Variants in WNT5A observed in about 807,000 individuals in gnomAD.
The protein encoded by WNT5A is protein Wnt-5a.
Under a neutral mutation model 42.1 loss-of-function variants are expected in WNT5A, and 9 were observed. That is an observed-to-expected ratio of 0.21 (90% CI 0.13 to 0.37). WNT5A has a LOEUF of 0.37. WNT5A is among the 10% of genes least tolerant of loss of function. The pLI is 1.00. For synonymous variants in WNT5A, 210 were observed against 210.0 expected (o/e 1.00, Z 0.00); for missense variants, 426 against 534.0 (o/e 0.80, Z 1.99).
At position 55,469,990 on chromosome 3, in the gene WNT5A, G is replaced by C; in HGVS notation, c.*102C>G. On this transcript the variant is annotated 3_prime_UTR_variant, in exon 5 of 5. Transcript: ENST00000264634. Reference sequence around the variant, plus strand: ...AAAATGGTTCCGGTTGCAATTCTTGGGGAAAAATAAAAAATATTTCTAAAA... The same window carrying C: ...AAAATGGTTCCGGTTGCAATTCTTGCGGAAAAATAAAAAATATTTCTAAAA... The C allele has an allele frequency of 1.4e-6, 2 of 1,445,086 alleles. No individual in the cohort carries two copies. Among genetic ancestry groups the C allele is most frequent in the Non-Finnish European group, 1.9e-6 (2 of 1,049,124 alleles). 89.5% of individuals were successfully genotyped at this position (1,445,086 alleles called of 1,614,324 possible).
At chr3:55,473,532 G>C (rs1373845551) in intron 4 of WNT5A, among the ~76,000 whole-genome samples, 1 of 152,188 alleles carries the variant, frequency 6.6e-6, no homozygotes, top group Non-Finnish European at 1.5e-5. Flanking sequence ...AGGAAAGAGC[G>C]GGAACCAGGA....
chr3:55,484,685 T>TACACACACACAC (rs67013864), intron 1 of WNT5A, among the ~76,000 whole-genome samples: 23 of 137,994 alleles, frequency 1.7e-4, no homozygotes, highest in East Asian at 9.1e-4. Context: ...GGCCCCAGGA[T>TACACACACACAC]ACACACACAC....
chr3:55,479,600 T>A, intron 2 of WNT5A, 36 bp from the exon 3 acceptor site: 1 of 1,537,656 alleles, frequency 6.5e-7, no homozygotes, highest in Non-Finnish European at 8.8e-7. Context: ...AAGATTTACG[T>A]GAAATCTCGA....
At chr3:55,500,737 A>T in the WNT5A span, among the ~76,000 whole-genome samples, 2 of 152,228 alleles carry the variant, frequency 1.3e-5, no homozygotes, top group Non-Finnish European at 2.9e-5. Context: ...TACTATTTAG[A>T]TAGAGGAGAA....
At chr3:55,472,528 G>C (rs949788818) in intron 4 of WNT5A, among the ~76,000 whole-genome samples, 1 of 152,120 alleles carries the variant, frequency 6.6e-6, no homozygotes, top group Non-Finnish European at 1.5e-5. Flanking sequence ...CAGAGAGAAT[G>C]GGGCTGACCC....
At chr3:55,475,047 C>A (rs1465532037) in intron 3 of WNT5A, among the ~76,000 whole-genome samples, 2 of 152,076 alleles carry the variant, frequency 1.3e-5, no homozygotes, top group South Asian at 2.1e-4. Context: ...CCCCAAAACA[C>A]ACAGAAGCAA....
chr3:55,467,084 C>T lies in WNT5A; in HGVS notation c.*3008G>A, dbSNP rs971275357. The T allele has an allele frequency of 5.9e-5, 9 of 152,170 alleles. No homozygotes were observed. Among genetic ancestry groups the T allele is most frequent in the South Asian group, 4.1e-4 (2 of 4,822 alleles). 9.4% of individuals were successfully genotyped at this position (152,170 alleles called of 1,614,324 possible). ...CAACCAGTTTTCATTCTCTGCAGAC[C>T]CGGGCTTTCTTTTTATAAAAACTGC... On this transcript the variant is annotated 3_prime_UTR_variant, in exon 5 of 5. Coordinates refer to ENST00000264634, the MANE Select transcript of WNT5A (RefSeq NM_003392.7).
rs1014332666 is a variant in WNT5A, at chr3:55,466,190, A to T, written c.*3902T>A. The T allele has an allele frequency of 8.5e-5, 13 of 152,360 alleles. No homozygotes were observed. Among genetic ancestry groups the T allele is most frequent in the African/African-American group, 3.1e-4 (13 of 41,586 alleles). 9.4% of individuals were successfully genotyped at this position (152,360 alleles called of 1,614,324 possible). A position where few individuals can be genotyped will look rare whatever the true frequency, so the allele number is the denominator to read the frequency against. On this transcript the variant is annotated 3_prime_UTR_variant, in exon 5 of 5. Coordinates refer to ENST00000264634, the MANE Select transcript of WNT5A (RefSeq NM_003392.7). ...GACTAGAAAATACTTTAAAAAAAATAAATATTTTAAAAGTATAGCTTACAG... is the reference window on the plus strand; with the variant it reads ...GACTAGAAAATACTTTAAAAAAAATTAATATTTTAAAAGTATAGCTTACAG...
At chr3:55,485,664 C>CT (rs2051564463) in intron 1 of WNT5A, among the ~76,000 whole-genome samples, 1 of 151,142 alleles carries the variant, frequency 6.6e-6, no homozygotes, top group African/African-American at 2.4e-5. Flanking sequence ...GCGAAGGTGG[C>CT]TGGGGGGAGG....
At chr3:55,471,814 G>T (rs2051257540) in intron 4 of WNT5A, among the ~76,000 whole-genome samples, 1 of 152,180 alleles carries the variant, frequency 6.6e-6, no homozygotes, top group African/African-American at 2.4e-5. Context: ...TGAGTGTGCT[G>T]GAGAAGACCT....
rs551696835 is a variant in WNT5A at position 55,472,319 on chromosome 3, T to A, written c.685-1769A>T. ...TGGTTGCCAAGCCTCTGATGATTTC[T>A]GGACATGAGAGAAGGCTAAGAAAGT... On this transcript the variant is annotated intron_variant, in intron 4 of 4. Transcript: ENST00000264634. Among the ~76,000 whole-genome samples the A allele has an allele frequency of 7.2e-4, 109 of 152,338 alleles. No individual in the cohort carries two copies. The Middle Eastern group carries it at 0.014, about 19-fold the overall frequency.
At chr3:55,485,317 G>A (rs1338306357) in intron 1 of WNT5A, among the ~76,000 whole-genome samples, 1 of 151,626 alleles carries the variant, frequency 6.6e-6, no homozygotes, top group Non-Finnish European at 1.5e-5. Flanking sequence ...GGATGGCTCC[G>A]AGTTCTGCGC....
In WNT5A at chr3:55,479,234, C is replaced by A. The variant is rs1176999743; in HGVS notation, c.391+80G>T. 8.6e-6 allele frequency: 12 copies of A among 1,391,336 alleles called. No homozygotes were observed. The East Asian group carries it at 2.3e-4, about 27-fold the overall frequency. 86.2% of individuals were successfully genotyped at this position (1,391,336 alleles called of 1,614,324 possible). ...AGGCATCCTCCTTCATGCTTTCTATCAAGCATGAAGTAAATGCTAAGGATT... is the reference window on the plus strand; with the variant it reads ...AGGCATCCTCCTTCATGCTTTCTATAAAGCATGAAGTAAATGCTAAGGATT... On this transcript the variant is annotated intron_variant, in intron 3 of 4. Transcript: ENST00000264634.
At chr3:55,497,167 G>A in the WNT5A span, among the ~76,000 whole-genome samples, 2 of 152,212 alleles carry the variant, frequency 1.3e-5, no homozygotes, top group Non-Finnish European at 2.9e-5. Flanking sequence ...AGTCCCAAAT[G>A]CATGGGTGAG....
upstream of WNT5A, chr3:55,493,874 A>T (rs1022138660): frequency 1.3e-5 from 2 of 152,256 alleles, no homozygotes; most frequent in Admixed American, 6.5e-5. Flanking sequence ...TAAGAGAAAT[A>T]GTTTTCATCC....
intron 1 of WNT5A, 44 bp downstream of exon 1, chr3:55,486,935 TG>T (rs776864177): frequency 5.1e-5 from 68 of 1,330,670 alleles, no homozygotes; most frequent in Non-Finnish European, 6.3e-5. Flanking sequence ...CAACAGGGGG[TG>T]GGGGGAAGTA....
In WNT5A at chr3:55,470,267, C is replaced by T; in HGVS notation, c.968G>A (p.Arg323His). Residue 323 changes from arginine (R) to histidine (H), a missense_variant, in exon 5 of 5, where the codon CGC becomes CAC. Physicochemically the swap from Arg to His is conservative, Grantham distance 29. Coordinates refer to ENST00000264634, the MANE Select transcript of WNT5A (RefSeq NM_003392.7). ...GCCCTCCGACGTCTTGTTGCACAGGCGGCCCTGCGTGCCCAGCGAGCCGGT... is the reference window on the plus strand; with the variant it reads ...GCCCTCCGACGTCTTGTTGCACAGGTGGCCCTGCGTGCCCAGCGAGCCGGT... ...ESTGSLGTQG[R>H]LCNKTSEGMD... The T allele has an allele frequency of 7.4e-6, 12 of 1,614,010 alleles. No homozygotes were observed. The highest frequency in any genetic ancestry group is 1.0e-5 in the Non-Finnish European group (12 of 1,179,920).
At chr3:55,481,417 G>A in intron 1 of WNT5A, 2 of 984,928 alleles carry the variant, frequency 2.0e-6, no homozygotes, top group Non-Finnish European at 2.4e-6. Flanking sequence ...GCCAGAGGCT[G>A]CCAAGGAGGC....
rs886058733 is a variant in WNT5A at position 55,466,152 on chromosome 3, CAGAG to C, written c.*3936_*3939del. On this transcript the variant is annotated 3_prime_UTR_variant, in exon 5 of 5. Coordinates refer to ENST00000264634, the MANE Select transcript of WNT5A (RefSeq NM_003392.7). The stretch of plus-strand genomic sequence containing the variant: ...ACGGCATCTCTCTTTCACCATTCCA[CAGAG>C]AGAGAAAAGACTAGAAAATACTTTA... The C allele has an allele frequency of 6.6e-6, 1 of 152,046 alleles. No individual in the cohort carries two copies. The allele number at this position is 152,046 out of a possible 1,614,324, so 9.4% of individuals were successfully genotyped here. A position where few individuals can be genotyped will look rare whatever the true frequency, so the allele number is the denominator to read the frequency against.
Sources: gnomAD v4.1 joint callset for allele counts (sites outside exome capture counted in the v4.1 genomes callset) on GRCh38, gnomAD v4.1.1 for gene constraint, MANE v1.5 for transcripts, NCBI Gene and HGNC (gene_info 2026-07-23, HGNC 2026-07-21) for gene names.